The following HIVEP1 variants were observed in gnomAD, a reference collection of about 807,000 sequenced individuals.
HIVEP1 encodes zinc finger protein 40.
In HIVEP1, 36 loss-of-function variants were observed where a neutral mutation model predicts 180.0. The ratio of observed to expected loss-of-function variants is 0.20; its 90% CI spans 0.15 to 0.26. The LOEUF (loss-of-function observed/expected upper bound fraction) is 0.26. HIVEP1 is among the 10% of genes least tolerant of loss of function. The probability of loss-of-function intolerance (pLI) is 1.00; values close to 1 mark genes in which losing one functional copy is unlikely to be tolerated. For missense variants in HIVEP1, 3,143 were observed against 3,268.7 expected, an observed-to-expected ratio of 0.96 and a Z score of 0.94; for synonymous variants, 1,239 against 1,239.0, an observed-to-expected ratio of 1.00 and a Z score of 0.00.
At chr6:12,043,355 ATTTTTTTTTTTTT>A (rs1304144063) in intron 2 of HIVEP1, among the ~76,000 whole-genome samples, 1 of 109,904 alleles carries the variant, frequency 9.1e-6, no homozygotes, top group Non-Finnish European at 1.8e-5. Context: ...CTAAGTGAAA[ATTTTTTTTTTTTT>A]TTTTTTTTTT....
chr6:12,065,750 G>A (rs1452497578), intron 2 of HIVEP1, among the ~76,000 whole-genome samples: 3 of 151,650 alleles, frequency 2.0e-5, no homozygotes, highest in Non-Finnish European at 2.9e-5. Context: ...ACTGAAAAGA[G>A]CTCTAAGTCC....
At chr6:12,017,550 G>A (rs1033306456) in intron 2 of HIVEP1, among the ~76,000 whole-genome samples, 8 of 152,262 alleles carry the variant, frequency 5.3e-5, no homozygotes, top group African/African-American at 1.2e-4. Flanking sequence ...TGCTGCCTCC[G>A]GCAGCCTGCT....
At chr6:12,033,069 A>C (rs1769058044) in intron 2 of HIVEP1, among the ~76,000 whole-genome samples, 1 of 152,218 alleles carries the variant, frequency 6.6e-6, no homozygotes, top group African/African-American at 2.4e-5. Flanking sequence ...TTTTCGACCC[A>C]TACAACCATT....
chr6:12,108,525 C>T (rs1774627187), intron 3 of HIVEP1, among the ~76,000 whole-genome samples: 1 of 152,336 alleles, frequency 6.6e-6, no homozygotes, highest in South Asian at 2.1e-4. Flanking sequence ...AGGTCCCGAG[C>T]CCTGCCCCGC....
At chr6:12,206,598 C>T in the HIVEP1 span, among the ~76,000 whole-genome samples, 12 of 152,240 alleles carry the variant, frequency 7.9e-5, no homozygotes, top group Admixed American at 3.9e-4. Context: ...TTAGAGGAAG[C>T]GTGGCCTTCC....
the HIVEP1 span, among the ~76,000 whole-genome samples, chr6:12,181,390 T>A: frequency 3.3e-5 from 5 of 151,492 alleles, no homozygotes; most frequent in African/African-American, 1.2e-4. Flanking sequence ...AATAAATAAA[T>A]AAATAAAAAT....
At chr6:12,184,014 T>TAGACAGACAGACAGAC in the HIVEP1 span, among the ~76,000 whole-genome samples, 1 of 139,646 alleles carries the variant, frequency 7.2e-6, no homozygotes, top group Non-Finnish European at 1.6e-5. Context: ...GATAGATAGA[T>TAGACAGACAGACAGAC]AGATAGATAG....
chr6:12,211,535 C>T, the HIVEP1 span, among the ~76,000 whole-genome samples: 41 of 149,784 alleles, frequency 2.7e-4, no homozygotes, highest in Admixed American at 1.3e-3. Context: ...TATGTATACA[C>T]ATACATATAT....
Position 12,124,367 on chromosome 6 carries a change from C to T in HIVEP1, c.4572C>T (p.His1524=). The T allele has an allele frequency of 1.2e-6, 2 of 1,614,098 alleles. No homozygotes were observed. Among genetic ancestry groups the T allele is most frequent in the Non-Finnish European group, 1.7e-6 (2 of 1,180,010 alleles). Residue 1524 remains histidine, a synonymous_variant, in exon 4 of 9, where the codon CAC becomes CAT. Transcript: ENST00000379388. ...LLNQIHAPPS[H]QSTQLSLQVS... ...ATCAAATCCATGCACCGCCTAGCCA[C>T]CAGAGCACACAGCTATCTCTGCAAG... is the stretch of plus-strand genomic sequence containing the variant.
At chr6:12,180,377 T>C in the HIVEP1 span, among the ~76,000 whole-genome samples, 3 of 152,234 alleles carry the variant, frequency 2.0e-5, no homozygotes, top group Non-Finnish European at 4.4e-5. Context: ...ATTCACAAAC[T>C]TCAATCTTCA....
intron 3 of HIVEP1, among the ~76,000 whole-genome samples, chr6:12,118,212 A>T (rs1485320294): frequency 6.6e-6 from 1 of 151,626 alleles, no homozygotes; most frequent in Non-Finnish European, 1.5e-5. Context: ...TTAAACTATG[A>T]TATGAGAGCA....
At chr6:12,188,692 C>T in the HIVEP1 span, among the ~76,000 whole-genome samples, 1 of 151,782 alleles carries the variant, frequency 6.6e-6, no homozygotes, top group Non-Finnish European at 1.5e-5. Context: ...TAATGAGTAA[C>T]ATAAAAATAT....
chr6:12,211,492 C>T, the HIVEP1 span, among the ~76,000 whole-genome samples: 1 of 58,492 alleles, frequency 1.7e-5, no homozygotes, highest in Non-Finnish European at 3.2e-5. Context: ...TATATACACA[C>T]ACACACACCC....
At chr6:12,154,223 G>A (rs912236878) in intron 7 of HIVEP1, among the ~76,000 whole-genome samples, 1 of 152,162 alleles carries the variant, frequency 6.6e-6, no homozygotes, top group African/African-American at 2.4e-5. Context: ...AACCTGGTTC[G>A]CACCTACAGT....
rs1357186085 is a variant in HIVEP1, at chr6:12,121,629, G to A, written c.1834G>A (p.Gly612Arg). The change falls in exon 4 of 9, where the codon GGA becomes AGA. Residue 612 changes from glycine (G) to arginine (R), a missense_variant. By Grantham distance (125) the Gly-to-Arg change is moderately radical (BLOSUM62 -2). This residue lies in a region of HIVEP1 where 365 missense variants were observed against 344.4 expected (regional missense o/e 1.06). Coordinates refer to ENST00000379388, the MANE Select transcript of HIVEP1 (RefSeq NM_002114.4). This position sits in a 1 kb window ranked among gnomAD's most constrained non-coding sequence, Gnocchi z 5.3. The stretch of plus-strand genomic sequence containing the variant: ...ACTTTCAGCCAACATGTCCCAGGGT[G>A]GAGTCTCCAGGTTGGAGACTAATGA... ...QPLSANMSQG[G>R]VSRLETNENS... 1.2e-6 allele frequency: 2 copies of A among 1,614,114 alleles called. No homozygotes were observed. Among genetic ancestry groups the A allele is most frequent in the East Asian group, 2.2e-5 (1 of 44,878 alleles).
Position 12,122,084 on chromosome 6 carries a change from A to C in HIVEP1, c.2289A>C (p.Gln763His). ...SDNEALVDDK[Q>H]LDSVKPRRTS... The stretch of plus-strand genomic sequence containing the variant: ...ATGAAGCTTTGGTAGATGACAAGCA[A>C]CTGGATAGTGTGAAGCCGCGGAGAA... The change falls in exon 4 of 9, where the codon CAA (glutamine) becomes CAC (histidine). Residue 763 changes from glutamine (Q) to histidine (H), a missense_variant. This residue lies in a region of HIVEP1 where 32 missense variants were observed against 70.0 expected (regional missense o/e 0.46). Transcript: ENST00000379388. The C allele has an allele frequency of 1.2e-6, 2 of 1,614,210 alleles. No homozygotes were observed. The highest frequency in any genetic ancestry group is 1.7e-6 in the Non-Finnish European group (2 of 1,180,026).
intron 2 of HIVEP1, among the ~76,000 whole-genome samples, chr6:12,055,278 T>C (rs62395290): frequency 2.0e-5 from 3 of 151,970 alleles, no homozygotes; most frequent in South Asian, 2.1e-4. Flanking sequence ...ATCGAGACCA[T>C]CCTGGCCAAC....
chr6:12,057,607 T>C (rs1344956701), intron 2 of HIVEP1, among the ~76,000 whole-genome samples: 1 of 152,218 alleles, frequency 6.6e-6, no homozygotes, highest in Non-Finnish European at 1.5e-5. Context: ...GACTGTGTTA[T>C]AGTCTCATGA....
rs763282858 is a variant in HIVEP1 at position 12,125,345 on chromosome 6, A to G, written c.5550A>G (p.Glu1850=). 6.2e-7 allele frequency: 1 copy of G among 1,614,168 alleles called. No individual in the cohort carries two copies. Among genetic ancestry groups the G allele is most frequent in the East Asian group, 2.2e-5 (1 of 44,886 alleles). Residue 1850 remains glutamate (E), a synonymous_variant, in exon 4 of 9, where the codon GAA becomes GAG. Transcript: ENST00000379388. The stretch of plus-strand genomic sequence containing the variant: ...GATGCTCTAAATTTGTCGTTATAGA[A>G]CCTATAAGTGAATTGCAGGAATTTG... ...STGCSKFVVI[E]PISELQEFEN...
Sources: allele counts gnomAD v4.1 joint callset (sites outside exome capture counted in the v4.1 genomes callset), GRCh38; gene constraint gnomAD v4.1.1; regional missense constraint gnomAD v4.1.1; non-coding constraint Gnocchi (gnomAD v3.1); transcripts MANE v1.5; gene names NCBI Gene and HGNC (gene_info 2026-07-23, HGNC 2026-07-21).